ST7: variants seen among roughly 807,000 people sequenced by gnomAD.
ST7 encodes the protein suppression of tumorigenicity 7, also known as suppressor of tumorigenicity 7 protein.
A neutral mutation model predicts 78.7 loss-of-function variants in ST7; 28 were observed. The ratio of observed to expected loss-of-function variants is 0.36; its 90% CI spans 0.26 to 0.49. The LOEUF is 0.49. Among genes scored for constraint, ST7 ranks in the 20% least tolerant of loss-of-function variants. The pLI, the probability that ST7 is intolerant of heterozygous loss-of-function variation, is 0.99. For synonymous variants in ST7, 247 were observed against 249.6 expected (o/e 0.99, Z 0.10); for missense variants, 418 against 696.0 (o/e 0.60, Z 4.49).
At chr7:117,051,832 G>C (rs1797805496) in intron 1 of ST7, among the ~76,000 whole-genome samples, 1 of 152,194 alleles carries the variant, frequency 6.6e-6, no homozygotes, top group East Asian at 1.9e-4. Flanking sequence ...TTCCTAACTT[G>C]AGGAATGAGA....
At chr7:116,987,330 A>G (rs1794230868) in intron 1 of ST7, among the ~76,000 whole-genome samples, 2 of 152,176 alleles carry the variant, frequency 1.3e-5, no homozygotes, top group African/African-American at 4.8e-5. Flanking sequence ...GAGGCACAGG[A>G]GTAGACTTAC....
chr7:117,141,355 T>TA (rs567266739), intron 9 of ST7, among the ~76,000 whole-genome samples: 57 of 151,330 alleles, frequency 3.8e-4, no homozygotes, highest in Middle Eastern at 3.4e-3. Flanking sequence ...AAAGAGATTC[T>TA]AAAAAAAAAT....
chr7:117,191,019 C>T, intron 12 of ST7, 83 bp downstream of exon 12: 1 of 1,096,432 alleles, frequency 9.1e-7, no homozygotes, highest in Non-Finnish European at 1.4e-6. Context: ...CTCAAGTACA[C>T]CGCTTATAAA....
At chr7:116,979,543 C>A (rs1172155482) in intron 1 of ST7, among the ~76,000 whole-genome samples, 1 of 152,188 alleles carries the variant, frequency 6.6e-6, no homozygotes, top group African/African-American at 2.4e-5. Flanking sequence ...CTCTTCAAGG[C>A]TCTTAATAGT....
Position 117,119,665 on chromosome 7 carries a change from C to G in ST7, c.339C>G (p.Ser113=), listed in dbSNP as rs372015158. ...TGGGAGGGGTTGACAACAACTCTTCCAACAATTCTAATTCCAGTAACGGGG... is the reference window on the plus strand; with the variant it reads ...TGGGAGGGGTTGACAACAACTCTTCGAACAATTCTAATTCCAGTAACGGGG... ...PLLGGVDNNS[S]NNSNSSNGDS... The change falls in exon 3 of 16, where the codon TCC becomes TCG. Residue 113 remains serine, a synonymous_variant. Transcript: ENST00000323984. 6.2e-7 allele frequency: 1 copy of G among 1,613,872 alleles called. No homozygotes were observed. The highest frequency in any genetic ancestry group is 1.1e-5 in the South Asian group (1 of 91,004).
chr7:117,080,590 CACGTG>C (rs1799696570), intron 1 of ST7, among the ~76,000 whole-genome samples: 1 of 151,946 alleles, frequency 6.6e-6, no homozygotes, highest in Admixed American at 6.5e-5. Context: ...GCTAAATTCC[CACGTG>C]TGTAGTGATT....
intron 1 of ST7, among the ~76,000 whole-genome samples, chr7:117,027,376 G>A (rs1796237931): frequency 6.6e-6 from 1 of 150,618 alleles, no homozygotes. Flanking sequence ...GGAGGCAGAA[G>A]TTGTGATGAG....
intron 1 of ST7, among the ~76,000 whole-genome samples, chr7:117,032,840 G>A (rs1796672363): frequency 6.6e-6 from 1 of 152,184 alleles, no homozygotes; most frequent in Non-Finnish European, 1.5e-5. Flanking sequence ...AATATACTTA[G>A]TGGATTATAG....
chr7:117,113,882 T>G (rs143557179), intron 2 of ST7, among the ~76,000 whole-genome samples: 1 of 152,262 alleles, frequency 6.6e-6, no homozygotes, highest in Non-Finnish European at 1.5e-5. Flanking sequence ...CAATTCTCAG[T>G]GGTCTCCAGG....
At position 117,189,302 on chromosome 7, in the gene ST7, C is replaced by CT; in HGVS notation, c.1079-16dup. 1 of 1,589,986 alleles carries CT rather than the reference C, an allele frequency of 6.3e-7. No homozygotes were observed. On this transcript the variant is annotated intron_variant, in intron 10 of 15. Coordinates refer to ENST00000323984, the MANE Select transcript of ST7 (RefSeq NM_001369598.1). ...TTACCTGCAAACTTATGTGTTCCTA[C>CT]TTTCTTTTTCTCCAACAGATATAAG...
At chr7:117,106,501 G>A (rs1357938115) in intron 2 of ST7, among the ~76,000 whole-genome samples, 1 of 150,962 alleles carries the variant, frequency 6.6e-6, no homozygotes, top group African/African-American at 2.4e-5. Context: ...TGAGATTTTC[G>A]TGCATCCATC....
chr7:117,207,422 G>A (rs967689391), intron 12 of ST7, among the ~76,000 whole-genome samples: 141 of 152,164 alleles, frequency 9.3e-4, no homozygotes, highest in African/African-American at 3.3e-3. Context: ...GATTACAGCC[G>A]TGAGCCACCG....
At position 117,181,277 on chromosome 7, in the gene ST7, C is replaced by T. The variant is rs140757562; in HGVS notation, c.1079-8044C>T. Among the ~76,000 whole-genome samples the T allele has an allele frequency of 1.4e-4, 22 of 152,246 alleles. No homozygotes were observed. The East Asian group carries it at 4.2e-3, about 29-fold the overall frequency. On this transcript the variant is annotated intron_variant, in intron 10 of 15. Transcript: ENST00000323984. ...TAAACACCAGAGGAAGCTAAAGTCTCCCACATTACAGGATTTAATGTATGA... is the reference window on the plus strand; with the variant it reads ...TAAACACCAGAGGAAGCTAAAGTCTTCCACATTACAGGATTTAATGTATGA...
At chr7:117,216,974 A>G (rs1355540497) in intron 13 of ST7, among the ~76,000 whole-genome samples, 1 of 152,152 alleles carries the variant, frequency 6.6e-6, no homozygotes, top group Non-Finnish European at 1.5e-5. Context: ...TAGAAAAAGG[A>G]AAAGGCCAAC....
intron 2 of ST7, among the ~76,000 whole-genome samples, chr7:117,100,050 C>T (rs927242112): frequency 2.0e-5 from 3 of 151,950 alleles, no homozygotes; most frequent in African/African-American, 7.3e-5. Context: ...TTTAAGCAAT[C>T]GTATATTACT....
intron 1 of ST7, among the ~76,000 whole-genome samples, chr7:117,093,945 A>G (rs1165450219): frequency 1.3e-5 from 2 of 152,222 alleles, no homozygotes; most frequent in East Asian, 3.8e-4. Context: ...TAAGTAAACC[A>G]AAGCCCCCTA....
At chr7:116,959,520 G>A (rs759933746) in intron 1 of ST7, 4 of 282,822 alleles carry the variant, frequency 1.4e-5, no homozygotes, top group Non-Finnish European at 2.1e-5. Context: ...TCCAAGTTAC[G>A]GTGTATTTAG....
Position 117,137,780 on chromosome 7 carries a change from A to C in ST7, c.866-655A>C, listed in dbSNP as rs182978727. ...TGAAAACATATCCAACAAGACATATAATTAAATAAAAGATTAAGATTAGAA... is the reference window on the plus strand; with the variant it reads ...TGAAAACATATCCAACAAGACATATCATTAAATAAAAGATTAAGATTAGAA... On this transcript the variant is annotated intron_variant, in intron 8 of 15. Coordinates refer to ENST00000323984, the MANE Select transcript of ST7 (RefSeq NM_001369598.1). Among the ~76,000 whole-genome samples the C allele has an allele frequency of 1.2e-4, 18 of 152,308 alleles. No individual in the cohort carries two copies. The East Asian group carries it at 3.5e-3, about 29-fold the overall frequency.
At chr7:117,196,624 C>CTTTTTTTTTT (rs56133709) in intron 12 of ST7, among the ~76,000 whole-genome samples, 8 of 59,504 alleles carry the variant, frequency 1.3e-4, no homozygotes, top group African/African-American at 4.6e-4. Flanking sequence ...GATTGTTGGG[C>CTTTTTTTTTT]TTTTTTTTTT....
Sources: allele counts gnomAD v4.1 joint callset (sites outside exome capture counted in the v4.1 genomes callset), GRCh38; gene constraint gnomAD v4.1.1; transcripts MANE v1.5; gene names NCBI Gene and HGNC (gene_info 2026-07-23, HGNC 2026-07-21).